HOOK1: variants seen among roughly 807,000 people sequenced by gnomAD.
The protein encoded by HOOK1 is protein Hook homolog 1.
Under a neutral mutation model 112.8 loss-of-function variants are expected in HOOK1, and 60 were observed. The observed-to-expected ratio is 0.53, with a 90% CI of 0.43 to 0.66. The LOEUF is 0.66. HOOK1 is among the 30% of genes least tolerant of loss of function. The pLI is 0.00. For missense variants in HOOK1, 770 were observed against 856.0 expected (o/e 0.90, Z 1.25); for synonymous variants, 294 against 283.8 (o/e 1.04, Z -0.36).
intron 16 of HOOK1, 67 bp downstream of exon 16, chr1:59,862,944 AAATT>A: frequency 4.6e-6 from 4 of 870,584 alleles, no homozygotes; most frequent in East Asian, 2.5e-5. Context: ...CATGATGTCC[AAATT>A]AATCTTGTAT....
chr1:59,864,496 T>C (rs1643922323), intron 16 of HOOK1, 136 bp from the exon 17 acceptor site: 3 of 595,176 alleles, frequency 5.0e-6, no homozygotes, highest in African/African-American at 2.0e-5. Context: ...AAGTGTGTTA[T>C]TGGAAATACA....
intron 20 of HOOK1, among the ~76,000 whole-genome samples, chr1:59,869,328 AT>A (rs541545409): frequency 1.4e-3 from 217 of 152,044 alleles, no homozygotes; most frequent in African/African-American, 5.0e-3. Context: ...AGTAGCTGGG[AT>A]TACAGGTGCA....
rs1177692222 is a variant in HOOK1 at position 59,858,932 on chromosome 1, T to C, written c.1331-53T>C. On this transcript the variant is annotated intron_variant, in intron 13 of 21. Coordinates refer to ENST00000371208, the MANE Select transcript of HOOK1 (RefSeq NM_015888.6). ...GGGAGGGGGGGAAGGAGGGAGGGTT[T>C]TTTAAAATAGTTGAAATACTGAAAT... 5 of 1,116,156 alleles carry C rather than the reference T, an allele frequency of 4.5e-6. No individual in the cohort carries two copies. The Admixed American group carries it at 9.0e-5, about 20-fold the overall frequency. 69.1% of individuals were successfully genotyped at this position (1,116,156 alleles called of 1,614,324 possible).
At chr1:59,821,994 C>T in intron 2 of HOOK1, 51 bp downstream of exon 2, 1 of 1,397,330 alleles carries the variant, frequency 7.2e-7, no homozygotes. Context: ...CCAATACATA[C>T]CAAGGAAGAA....
At chr1:59,834,019 C>T (rs2098395882) in intron 5 of HOOK1, among the ~76,000 whole-genome samples, 1 of 152,236 alleles carries the variant, frequency 6.6e-6, no homozygotes, top group East Asian at 1.9e-4. Context: ...GGAATTGATG[C>T]ATTATATTGG....
At chr1:59,851,362 T>C (rs947936138) in intron 12 of HOOK1, among the ~76,000 whole-genome samples, 7 of 151,638 alleles carry the variant, frequency 4.6e-5, no homozygotes, top group African/African-American at 1.7e-4. Context: ...TGTTTTGTAG[T>C]TTTCAGTGTG....
chr1:59,837,667 A>G (rs1415815529), intron 7 of HOOK1, among the ~76,000 whole-genome samples: 1 of 152,114 alleles, frequency 6.6e-6, no homozygotes, highest in Non-Finnish European at 1.5e-5. Context: ...TTCAATGTTA[A>G]TGAGGTCATG....
intron 12 of HOOK1, among the ~76,000 whole-genome samples, chr1:59,851,828 A>G (rs748243150): frequency 1.6e-4 from 25 of 151,624 alleles, no homozygotes; most frequent in Non-Finnish European, 3.4e-4. Flanking sequence ...TGCCCTCTAC[A>G]AGGTTGAAGA....
At chr1:59,836,991 C>A in intron 7 of HOOK1, 56 bp downstream of exon 7, 1 of 1,060,288 alleles carries the variant, frequency 9.4e-7, no homozygotes, top group Non-Finnish European at 1.4e-6. Context: ...GTTTCTTTGC[C>A]AATTACTCTC....
chr1:59,845,931 A>G (rs2098403534), intron 9 of HOOK1, among the ~76,000 whole-genome samples: 1 of 151,812 alleles, frequency 6.6e-6, no homozygotes, highest in South Asian at 2.1e-4. Context: ...TTATGTAAAA[A>G]TGTTATTTCT....
At chr1:59,821,780 C>G in intron 1 of HOOK1, 78 bp from the exon 2 acceptor site, 1 of 964,428 alleles carries the variant, frequency 1.0e-6, no homozygotes, top group Non-Finnish European at 1.5e-6. Context: ...TAGCTGTTTT[C>G]AATTTATGTT....
intron 1 of HOOK1, among the ~76,000 whole-genome samples, chr1:59,820,908 G>A (rs1188836703): frequency 6.6e-6 from 1 of 152,126 alleles, no homozygotes; most frequent in Admixed American, 6.5e-5. Flanking sequence ...TTAGTTTGCT[G>A]GTATCATTCA....
intron 2 of HOOK1, among the ~76,000 whole-genome samples, chr1:59,825,694 T>C (rs1303059738): frequency 6.6e-6 from 1 of 152,232 alleles, no homozygotes; most frequent in Non-Finnish European, 1.5e-5. Flanking sequence ...TTGCATCAGT[T>C]TGGTCTGACT....
At chr1:59,872,701 G>A (rs1644074520) in intron 21 of HOOK1, 94 bp from the exon 22 acceptor site, 6 of 730,968 alleles carry the variant, frequency 8.2e-6, no homozygotes, top group Non-Finnish European at 1.2e-5. Context: ...AGCTTTATAG[G>A]TTGGTTTTAA....
chr1:59,846,799 A>G (rs2098404310), intron 9 of HOOK1, among the ~76,000 whole-genome samples: 1 of 151,316 alleles, frequency 6.6e-6, no homozygotes, highest in South Asian at 2.1e-4. Context: ...TTTAATTTAC[A>G]AAGATTTAAA....
At chr1:59,844,503 T>G (rs930924499) in intron 9 of HOOK1, among the ~76,000 whole-genome samples, 1 of 151,958 alleles carries the variant, frequency 6.6e-6, no homozygotes, top group African/African-American at 2.4e-5. Context: ...TTTTAGAGTA[T>G]GACTCTTGAG....
intron 2 of HOOK1, among the ~76,000 whole-genome samples, chr1:59,825,551 T>A (rs912640466): frequency 3.3e-5 from 5 of 152,256 alleles, no homozygotes; most frequent in African/African-American, 1.2e-4. Context: ...TATTTGACTT[T>A]CTTTCATTTA....
rs867199140 is a variant in HOOK1 at position 59,860,129 on chromosome 1, A to G, written c.1392-59A>G. 14 of 1,341,818 alleles carry G rather than the reference A, an allele frequency of 1.0e-5. No homozygotes were observed. The Middle Eastern group carries it at 1.4e-3, about 134-fold the overall frequency. 83.1% of individuals were successfully genotyped at this position (1,341,818 alleles called of 1,614,324 possible). A position where few individuals can be genotyped will look rare whatever the true frequency, so the allele number is the denominator to read the frequency against. On this transcript the variant is annotated intron_variant, in intron 14 of 21. Coordinates refer to ENST00000371208, the MANE Select transcript of HOOK1 (RefSeq NM_015888.6). ...GGACAGGAATTTCCTTTTTTTAACT[A>G]AAGAATATAATGACTCATATTTTTA...
chr1:59,820,001 C>T (rs537210150), intron 1 of HOOK1, among the ~76,000 whole-genome samples: 14 of 152,176 alleles, frequency 9.2e-5, no homozygotes, highest in Non-Finnish European at 2.1e-4. Context: ...AACTGGTCTG[C>T]CTGACTCAGG....
Sources: gnomAD v4.1 joint callset for allele counts (sites outside exome capture counted in the v4.1 genomes callset) on GRCh38, gnomAD v4.1.1 for gene constraint, MANE v1.5 for transcripts, NCBI Gene and HGNC (gene_info 2026-07-23, HGNC 2026-07-21) for gene names.